Variants in PCDHGA5 observed in about 807,000 individuals in gnomAD.
PCDHGA5 encodes the protein protocadherin gamma-A5.
PCDHGA5 carries 36 observed loss-of-function variants against 56.7 expected under a neutral mutation model. That is an observed-to-expected ratio of 0.64 (90% CI 0.49 to 0.84). The LOEUF (loss-of-function observed/expected upper bound fraction) is 0.84, where lower values mean the gene tolerates loss of function less well. Ranked by LOEUF, PCDHGA5 falls within the 40% of genes least tolerant of loss-of-function variation. The probability of loss-of-function intolerance (pLI) is 0.00; values close to 1 mark genes in which losing one functional copy is unlikely to be tolerated. For missense variants in PCDHGA5, 1,305 were observed against 1,201.5 expected (o/e 1.09, Z -1.27); for synonymous variants, 563 against 520.2 (o/e 1.08, Z -1.12).
chr5:141,371,555 A>C, intron 1 of PCDHGA5: 1 of 1,613,862 alleles, frequency 6.2e-7, no homozygotes, highest in Non-Finnish European at 8.5e-7. Context: ...GCCAACTAAA[A>C]GGAAACTTCC....
In PCDHGA5 at chr5:141,477,279, C is replaced by T. The variant is rs2099408674; in HGVS notation, c.2422-17528C>T. ...GATGCTGGCGAGAACGGGCTGGTGA[C>T]CTGCGAAGTTCCACCGGGTCTCCCT... is the stretch of plus-strand genomic sequence containing the variant. On this transcript the variant is annotated intron_variant, in intron 1 of 3. Transcript: ENST00000518069. The surrounding 1 kb of genome is among the most constrained non-coding windows in gnomAD (Gnocchi z 4.9). 6.2e-7 allele frequency: 1 copy of T among 1,614,054 alleles called. No individual in the cohort carries two copies. Among genetic ancestry groups the T allele is most frequent in the Non-Finnish European group, 8.5e-7 (1 of 1,180,050 alleles).
At chr5:141,383,846 A>C (rs745543311) in intron 1 of PCDHGA5, 1 of 1,613,960 alleles carries the variant, frequency 6.2e-7, no homozygotes, top group Admixed American at 1.7e-5. Context: ...GCCTTCTATG[A>C]AATGGAGGTT....
chr5:141,385,609 A>AT (rs1360178959), intron 1 of PCDHGA5: 2 of 1,138,046 alleles, frequency 1.8e-6, no homozygotes, highest in African/African-American at 3.2e-5. Flanking sequence ...TAACTCATAT[A>AT]TTTTATACAT....
intron 1 of PCDHGA5, chr5:141,411,948 G>A (rs2095525022): frequency 1.3e-5 from 2 of 152,152 alleles, no homozygotes. Flanking sequence ...GAAGATTTTT[G>A]AAGAAAAAAG....
Position 141,365,562 on chromosome 5 carries a change from A to C in PCDHGA5, c.1232A>C (p.Asp411Ala), listed in dbSNP as rs200032836. Residue 411 changes from aspartate to alanine, a missense_variant, in exon 1 of 4, where the codon GAC (aspartate) becomes GCC (alanine). Transcript: ENST00000518069. ...CACCTATTAACAACTAGGGACCTGG[A>C]CAGAGAAGAGACTTCAGATTATAAT... ...YYHLLTTRDLDREETSDYNIT... is the reference protein window; with the variant it reads ...YYHLLTTRDLAREETSDYNIT... The C allele has an allele frequency of 6.2e-4, 1,002 of 1,613,762 alleles. 1 individual carries two copies. Among genetic ancestry groups the C allele is most frequent in the Non-Finnish European group, 7.3e-4 (867 of 1,179,898 alleles).
At chr5:141,383,058 G>A (rs1289702805) in intron 1 of PCDHGA5, 1 of 1,613,912 alleles carries the variant, frequency 6.2e-7, no homozygotes, top group East Asian at 2.2e-5. Context: ...AGGACCTGGG[G>A]CTGGAGCCCC....
intron 1 of PCDHGA5, among the ~76,000 whole-genome samples, chr5:141,480,195 G>C (rs1350891459): frequency 6.6e-6 from 1 of 151,182 alleles, no homozygotes; most frequent in African/African-American, 2.4e-5. Flanking sequence ...CTTGAGGCCA[G>C]CAGTTCAAGA....
chr5:141,382,807 T>TC (rs1430207152), intron 1 of PCDHGA5: 2 of 1,107,572 alleles, frequency 1.8e-6, no homozygotes, highest in Non-Finnish European at 2.6e-6. Context: ...GATTCTGAGC[T>TC]CCCCTTCCTA....
intron 1 of PCDHGA5, chr5:141,375,345 C>T (rs749825552): frequency 5.0e-6 from 8 of 1,613,858 alleles, no homozygotes; most frequent in South Asian, 4.4e-5. Flanking sequence ...TACAACATCA[C>T]TGTGACAGCC....
At chr5:141,505,576 T>C in intron 3 of PCDHGA5, 95 bp downstream of exon 3, 5 of 1,590,334 alleles carry the variant, frequency 3.1e-6, no homozygotes, top group Admixed American at 1.7e-5. Context: ...ATGTCAAACC[T>C]GTGTAGTTTC....
At chr5:141,403,172 C>G (rs1230059414) in intron 1 of PCDHGA5, 13 of 1,613,900 alleles carry the variant, frequency 8.1e-6, no homozygotes, top group Non-Finnish European at 1.1e-5. Flanking sequence ...TAGGACGCAG[C>G]TTTTCTCTCT....
chr5:141,508,737 C>T (rs919094477), intron 3 of PCDHGA5, among the ~76,000 whole-genome samples: 1 of 152,010 alleles, frequency 6.6e-6, no homozygotes, highest in Non-Finnish European at 1.5e-5. Flanking sequence ...CTACACCCCC[C>T]ACCCCGCTCT....
chr5:141,427,114 A>G (rs767478190), intron 1 of PCDHGA5: 1 of 457,522 alleles, frequency 2.2e-6, no homozygotes, highest in Non-Finnish European at 4.4e-6. Flanking sequence ...GAGATCACCT[A>G]CTCTTTCAAA....
Position 141,489,068 on chromosome 5 carries a change from G to GGCC in PCDHGA5, c.2422-5739_2422-5738insGCC. The GGCC allele has an allele frequency of 3.4e-6, 1 of 291,556 alleles. No individual in the cohort carries two copies. The allele number at this position is 291,556 out of a possible 1,614,324, so 18.1% of individuals were successfully genotyped here. A position where few individuals can be genotyped will look rare whatever the true frequency, so the allele number is the denominator to read the frequency against. ...CTCAAATTCAGCTCCCCTCCCCCCT[G>GGCC]CCCACCCCCGCCACTCGGTGACTAA... On this transcript the variant is annotated intron_variant, in intron 1 of 3. Coordinates refer to ENST00000518069, the MANE Select transcript of PCDHGA5 (RefSeq NM_018918.3). The surrounding 1 kb of genome is among the most constrained non-coding windows in gnomAD (Gnocchi z 4.5).
chr5:141,502,402 A>T (rs1317862793), intron 2 of PCDHGA5, among the ~76,000 whole-genome samples: 1 of 151,976 alleles, frequency 6.6e-6, no homozygotes, highest in Admixed American at 6.6e-5. Flanking sequence ...AATGTCCCCG[A>T]ACCTGGATTT....
chr5:141,453,323 G>A (rs1313870724), intron 1 of PCDHGA5, among the ~76,000 whole-genome samples: 1 of 151,482 alleles, frequency 6.6e-6, no homozygotes, highest in Non-Finnish European at 1.5e-5. Context: ...TTTAGAGATG[G>A]GGTCTCACTA....
chr5:141,383,584 C>T, intron 1 of PCDHGA5: 2 of 1,613,678 alleles, frequency 1.2e-6, no homozygotes, highest in Non-Finnish European at 1.7e-6. Flanking sequence ...CGCCCACATC[C>T]AGGTGACAGT....
intron 1 of PCDHGA5, chr5:141,414,354 T>C (rs1389145668): frequency 1.2e-6 from 2 of 1,613,800 alleles, no homozygotes; most frequent in Admixed American, 1.7e-5. Flanking sequence ...TTTTGGCGTA[T>C]CTACCATTTA....
chr5:141,419,032 A>G (rs1421513275), intron 1 of PCDHGA5: 2 of 1,614,004 alleles, frequency 1.2e-6, no homozygotes, highest in Non-Finnish European at 1.7e-6. Flanking sequence ...GAGGTGTTCC[A>G]TTTAAGATTC....
Sources: gnomAD v4.1 joint callset for allele counts (sites outside exome capture counted in the v4.1 genomes callset) on GRCh38, gnomAD v4.1.1 for gene constraint, Gnocchi (gnomAD v3.1) non-coding constraint, MANE v1.5 for transcripts, NCBI Gene and HGNC (gene_info 2026-07-23, HGNC 2026-07-21) for gene names.